PBX3: variants seen among roughly 807,000 people sequenced by gnomAD.
The protein encoded by PBX3 is PBX homeobox 3, also known as pre-B-cell leukemia transcription factor 3.
Under a neutral mutation model 48.5 loss-of-function variants are expected in PBX3, and 14 were observed. That is an observed-to-expected ratio of 0.29 (90% confidence interval 0.19 to 0.45). The LOEUF is 0.45. PBX3 is among the 20% of genes least tolerant of loss of function. The pLI is 1.00. For missense variants in PBX3, 386 were observed against 546.7 expected (o/e 0.71, Z 2.93); for synonymous variants, 210 against 200.3 (o/e 1.05, Z -0.41).
At chr9:125,829,696 G>A (rs1401490367) in intron 2 of PBX3, among the ~76,000 whole-genome samples, 4 of 152,084 alleles carry the variant, frequency 2.6e-5, no homozygotes, top group Non-Finnish European at 5.9e-5. Context: ...GAGCAACAAA[G>A]CAGTAATATT....
At chr9:125,792,040 ACACACG>A (rs770658773) in intron 2 of PBX3, among the ~76,000 whole-genome samples, 59 of 121,982 alleles carry the variant, frequency 4.8e-4, no homozygotes, top group African/African-American at 1.1e-3. Context: ...TACTACACAC[ACACACG>A]CACGCACGCA....
intron 3 of PBX3, among the ~76,000 whole-genome samples, chr9:125,920,486 A>G (rs941153376): frequency 3.3e-5 from 5 of 152,180 alleles, no homozygotes; most frequent in Admixed American, 3.3e-4. Context: ...TGCAAATGAA[A>G]TTTGACTTCA....
intron 2 of PBX3, among the ~76,000 whole-genome samples, chr9:125,801,253 A>G (rs1310527134): frequency 6.6e-6 from 1 of 152,146 alleles, no homozygotes; most frequent in Non-Finnish European, 1.5e-5. Flanking sequence ...CTCTGTTTTC[A>G]TCCTGCCAAA....
intron 2 of PBX3, among the ~76,000 whole-genome samples, chr9:125,798,703 C>G (rs1339935988): frequency 6.6e-6 from 1 of 151,944 alleles, no homozygotes; most frequent in Non-Finnish European, 1.5e-5. Flanking sequence ...ATATCATGCC[C>G]TTATGTCTTC....
At chr9:125,904,503 T>A (rs1022659219) in intron 2 of PBX3, among the ~76,000 whole-genome samples, 9 of 152,070 alleles carry the variant, frequency 5.9e-5, no homozygotes, top group Admixed American at 2.0e-4. Flanking sequence ...TTCCACTTCA[T>A]GCTTCCTCCT....
At chr9:125,878,576 T>A (rs1462608113) in intron 2 of PBX3, among the ~76,000 whole-genome samples, 2 of 152,194 alleles carry the variant, frequency 1.3e-5, no homozygotes, top group Non-Finnish European at 2.9e-5. Context: ...GCTTGATTGA[T>A]GGAAGGACAG....
At chr9:125,844,680 T>G (rs1484682291) in intron 2 of PBX3, 1 of 152,140 alleles carries the variant, frequency 6.6e-6, no homozygotes, top group Non-Finnish European at 1.5e-5. Context: ...CTCAGCTAGT[T>G]CATTACCTTA....
At chr9:125,958,031 A>G (rs1842346300) in intron 5 of PBX3, among the ~76,000 whole-genome samples, 2 of 152,210 alleles carry the variant, frequency 1.3e-5, no homozygotes, top group Admixed American at 6.5e-5. Context: ...CCATACCTTT[A>G]TAGTCCTTTT....
intron 7 of PBX3, 138 bp downstream of exon 7, chr9:125,962,352 C>T: frequency 2.0e-6 from 1 of 508,286 alleles, no homozygotes. Context: ...CCCATCTGCC[C>T]CACCATTTAA....
intron 5 of PBX3, among the ~76,000 whole-genome samples, chr9:125,954,860 G>A (rs1044732010): frequency 6.6e-6 from 1 of 152,098 alleles, no homozygotes; most frequent in Non-Finnish European, 1.5e-5. Flanking sequence ...AATGGATAAT[G>A]GGTATCAAAC....
chr9:125,941,217 A>G (rs1176069272), intron 5 of PBX3, among the ~76,000 whole-genome samples: 1 of 152,224 alleles, frequency 6.6e-6, no homozygotes, highest in Non-Finnish European at 1.5e-5. Flanking sequence ...AGTGAGGAAC[A>G]TTCTAGCAGA....
intron 2 of PBX3, among the ~76,000 whole-genome samples, chr9:125,792,031 A>C (rs1324901173): frequency 7.0e-6 from 1 of 142,244 alleles, no homozygotes; most frequent in Admixed American, 7.2e-5. Context: ...ATGGATTAAT[A>C]CTACACACAC....
At chr9:125,780,181 G>T (rs940203107) in intron 2 of PBX3, among the ~76,000 whole-genome samples, 1 of 137,390 alleles carries the variant, frequency 7.3e-6, no homozygotes, top group Non-Finnish European at 1.6e-5. Flanking sequence ...GCGGCTGGCC[G>T]GGCGAGGTGC....
intron 3 of PBX3, among the ~76,000 whole-genome samples, chr9:125,928,392 ATGTG>A (rs112869741): frequency 5.3e-4 from 75 of 140,228 alleles, no homozygotes; most frequent in South Asian, 3.2e-3. Context: ...GGGGAAACAA[ATGTG>A]TGTGTGTGTG....
At chr9:125,867,835 TAC>T (rs955356547) in intron 2 of PBX3, among the ~76,000 whole-genome samples, 5 of 148,966 alleles carry the variant, frequency 3.4e-5, no homozygotes, top group African/African-American at 9.8e-5. Flanking sequence ...CATATATATA[TAC>T]ACACACACAC....
chr9:125,774,170 G>A (rs946851791), intron 2 of PBX3, among the ~76,000 whole-genome samples: 10 of 152,134 alleles, frequency 6.6e-5, no homozygotes, highest in South Asian at 2.1e-4. Flanking sequence ...TTACGTGGCC[G>A]GAGCAGGAGG....
chr9:125,803,224 A>G (rs139141241), intron 2 of PBX3, among the ~76,000 whole-genome samples: 7 of 149,600 alleles, frequency 4.7e-5, no homozygotes, highest in Non-Finnish European at 1.0e-4. Flanking sequence ...AGTAGTTAGG[A>G]TTATAGGCAC....
intron 2 of PBX3, among the ~76,000 whole-genome samples, chr9:125,913,314 G>C (rs1259627333): frequency 6.6e-6 from 1 of 152,040 alleles, no homozygotes; most frequent in Non-Finnish European, 1.5e-5. Context: ...CAAGCACTTA[G>C]TGTTGATTTA....
At position 125,871,516 on chromosome 9, in the gene PBX3, G is replaced by A. The variant is rs560301877; in HGVS notation, c.275-44170G>A. Among the ~76,000 whole-genome samples, 7 of 152,212 alleles carry A rather than the reference G, an allele frequency of 4.6e-5. No homozygotes were observed. In the East Asian group the frequency reaches 9.6e-4, roughly 21 times the overall value. On this transcript the variant is annotated intron_variant, in intron 2 of 8. Transcript: ENST00000373489. ...CTCTTCCACATTCAAGAACATAATA[G>A]CACATGTAGAATGTTGAATGAAAGA...
Sources: gnomAD v4.1 joint callset for allele counts (sites outside exome capture counted in the v4.1 genomes callset) on GRCh38, gnomAD v4.1.1 for gene constraint, MANE v1.5 for transcripts, NCBI Gene and HGNC (gene_info 2026-07-23, HGNC 2026-07-21) for gene names.